Variants in CLCN1 observed in about 807,000 individuals in gnomAD.
The protein encoded by CLCN1 is chloride voltage-gated channel 1.
CLCN1 carries 100 observed loss-of-function variants against 114.5 expected under a neutral mutation model. That is an observed-to-expected ratio of 0.87 (90% CI 0.74 to 1.03). The LOEUF (loss-of-function observed/expected upper bound fraction) is 1.03. CLCN1 is among the 50% of genes least tolerant of loss of function. The pLI is 0.00. For synonymous variants in CLCN1, 485 were observed against 487.1 expected (o/e 1.00, Z 0.06); for missense variants, 1,188 against 1,250.0 (o/e 0.95, Z 0.75).
intron 5 of CLCN1, among the ~76,000 whole-genome samples, chr7:143,322,572 G>A (rs1252015679): frequency 6.6e-6 from 1 of 152,216 alleles, no homozygotes; most frequent in Non-Finnish European, 1.5e-5. Flanking sequence ...GCCCAAGCTG[G>A]AGTGCAGTGG....
chr7:143,317,352 A>G (rs1802315996), intron 1 of CLCN1, among the ~76,000 whole-genome samples: 1 of 148,982 alleles, frequency 6.7e-6, no homozygotes, highest in South Asian at 2.1e-4. Context: ...GGGTTCAAGC[A>G]ATTCTCTTTC....
chr7:143,329,884 ATT>A (rs1046809578), intron 7 of CLCN1, among the ~76,000 whole-genome samples: 4 of 151,856 alleles, frequency 2.6e-5, no homozygotes, highest in Non-Finnish European at 5.9e-5. Context: ...ATGTTGAAAT[ATT>A]TTTTTCTTTG....
chr7:143,346,546 T>A (rs1340413214), intron 18 of CLCN1, 33 bp from the exon 19 acceptor site: 1 of 1,547,284 alleles, frequency 6.5e-7, no homozygotes, highest in African/African-American at 1.4e-5. Context: ...TGTTGCTTTG[T>A]GTCCATTTCC....
intron 1 of CLCN1, among the ~76,000 whole-genome samples, chr7:143,318,471 T>A (rs1802346414): frequency 6.6e-6 from 1 of 152,166 alleles, no homozygotes; most frequent in African/African-American, 2.4e-5. Context: ...AACCTGCCCA[T>A]CTCAGGCTCC....
At position 143,316,345 on chromosome 7, in the gene CLCN1, A is replaced by G. The variant is rs371715660; in HGVS notation, c.133A>G (p.Arg45Gly). 1.4e-5 allele frequency: 23 copies of G among 1,611,810 alleles called. No individual in the cohort carries two copies. In the African/African-American group the frequency reaches 2.5e-4, roughly 18 times the overall value. ...CTCTGAGAATGGGGGCCTCCAGCAC[A>G]GGCTCCGGAAGGATGCAGGCCCCCG... The part of the protein sequence containing the change: ...LPSENGGLQH[R>G]LRKDAGPRHN... Residue 45 changes from arginine (R) to glycine (G), a missense_variant, in exon 1 of 23, where the codon AGG (arginine) becomes GGG (glycine). Arg to Gly is a moderately radical substitution (Grantham distance 125, BLOSUM62 -2). Coordinates refer to ENST00000343257, the MANE Select transcript of CLCN1 (RefSeq NM_000083.3).
intron 10 of CLCN1, 83 bp downstream of exon 10, chr7:143,331,735 C>A: frequency 1.1e-6 from 1 of 931,712 alleles, no homozygotes; most frequent in Non-Finnish European, 1.8e-6. Flanking sequence ...TTGGGGAAGG[C>A]ATTAAATGCC....
chr7:143,320,885 A>T, intron 3 of CLCN1, 90 bp downstream of exon 3: 1 of 1,487,956 alleles, frequency 6.7e-7, no homozygotes, highest in Non-Finnish European at 9.4e-7. Context: ...AATGTTAAGC[A>T]GGGTGTGTTA....
chr7:143,322,155 C>CCT (rs1382965007), intron 5 of CLCN1, among the ~76,000 whole-genome samples: 2 of 152,346 alleles, frequency 1.3e-5, no homozygotes, highest in Admixed American at 6.5e-5. Flanking sequence ...GCATTGCTGG[C>CCT]CTCTGACCCT....
chr7:143,341,888 C>T lies in CLCN1; in HGVS notation c.1583-41C>T, dbSNP rs112405723. ...CCCCATATGTCCTTCATGCTAAGAACGGTAGCCCTAACCTACAGGCGTATT... is the reference window on the plus strand; with the variant it reads ...CCCCATATGTCCTTCATGCTAAGAATGGTAGCCCTAACCTACAGGCGTATT... On this transcript the variant is annotated intron_variant, in intron 14 of 22. Transcript: ENST00000343257. 9.1e-5 allele frequency: 138 copies of T among 1,520,902 alleles called. 2 individuals are homozygous for T. In the African/African-American group the frequency reaches 9.2e-4, roughly 10 times the overall value. The allele number at this position is 1,520,902 out of a possible 1,614,324, so 94.2% of individuals were successfully genotyped here.
rs184823884 is a variant in CLCN1 at position 143,343,722 on chromosome 7, T to A, written c.1930+1217T>A. On this transcript the variant is annotated intron_variant, in intron 16 of 22. Coordinates refer to ENST00000343257, the MANE Select transcript of CLCN1 (RefSeq NM_000083.3). The stretch of plus-strand genomic sequence containing the variant: ...TCTTCCTTCCTTTCTTTCTCTTTCT[T>A]TCTTTCCTTCTTTTTCTTTCTTTCT... Among the ~76,000 whole-genome samples, 256 of 147,700 alleles carry A rather than the reference T, an allele frequency of 1.7e-3. 1 individual carries two copies. Among genetic ancestry groups the A allele is most frequent in the African/African-American group, 6.2e-3 (244 of 39,434 alleles).
rs1250710576 is a variant in CLCN1 at position 143,351,694 on chromosome 7, C to T, written c.2696C>T (p.Ala899Val). ...NTTSTRKSTG[A>V]PPSSAENWNL... The stretch of plus-strand genomic sequence containing the variant: ...ACTTCAACTCGAAAGAGTACCGGGG[C>T]ACCTCCATCTTCTGCAGAGAACTGG... Residue 899 changes from alanine to valine, a missense_variant, in exon 23 of 23, where the codon GCA (alanine) becomes GTA (valine). Ala to Val is a moderately conservative substitution (Grantham distance 64). Coordinates refer to ENST00000343257, the MANE Select transcript of CLCN1 (RefSeq NM_000083.3). The T allele has an allele frequency of 1.2e-6, 2 of 1,614,206 alleles. No individual in the cohort carries two copies. The highest frequency in any genetic ancestry group is 1.7e-6 in the Non-Finnish European group (2 of 1,180,032).
chr7:143,323,824 G>A, intron 6 of CLCN1: 1 of 474,646 alleles, frequency 2.1e-6, no homozygotes, highest in South Asian at 1.5e-5. Context: ...TGCAGACCGT[G>A]CCTGGGCAGC....
intron 12 of CLCN1, among the ~76,000 whole-genome samples, chr7:143,337,137 T>C (rs541564317): frequency 6.6e-6 from 1 of 152,344 alleles, no homozygotes; most frequent in East Asian, 1.9e-4. Flanking sequence ...AGCATTACTC[T>C]TTAGTGTTTT....
chr7:143,328,551 T>C (rs993488129), intron 7 of CLCN1, among the ~76,000 whole-genome samples: 6 of 152,312 alleles, frequency 3.9e-5, no homozygotes, highest in Middle Eastern at 3.4e-3. Context: ...AACCACGTCG[T>C]AGGAAAGAAA....
In CLCN1 at chr7:143,346,559, C is replaced by T. The variant is rs993813533; in HGVS notation, c.2285-20C>T. On this transcript the variant is annotated intron_variant, in intron 18 of 22. Transcript: ENST00000343257. ...CCTGTTGCTTTGTGTCCATTTCCAT[C>T]CACTCACCTGTCCTCTCAGGTCAAA... The T allele has an allele frequency of 3.2e-6, 5 of 1,578,318 alleles. No homozygotes were observed. In the South Asian group the frequency reaches 3.3e-5, roughly 10 times the overall value.
At chr7:143,320,928 G>A in intron 3 of CLCN1, 133 bp downstream of exon 3, 2 of 1,100,672 alleles carry the variant, frequency 1.8e-6, no homozygotes, top group Non-Finnish European at 1.4e-6. Flanking sequence ...GAGGGATCAG[G>A]TGGGACTCCA....
rs889809830 is a variant in CLCN1 at position 143,346,724 on chromosome 7, C to T, written c.2364+66C>T. ...CTGCCCTTGAAGAGTGAGAAACCCACGGTTCTTAAATCAGGAAGGCAGAGA... is the reference window on the plus strand; with the variant it reads ...CTGCCCTTGAAGAGTGAGAAACCCATGGTTCTTAAATCAGGAAGGCAGAGA... On this transcript the variant is annotated intron_variant, in intron 19 of 22. Coordinates refer to ENST00000343257, the MANE Select transcript of CLCN1 (RefSeq NM_000083.3). 5.0e-6 allele frequency: 7 copies of T among 1,396,746 alleles called. No homozygotes were observed. In the Admixed American group the frequency reaches 6.7e-5, roughly 13 times the overall value. The allele number at this position is 1,396,746 out of a possible 1,614,324, so 86.5% of individuals were successfully genotyped here. A position where few individuals can be genotyped will look rare whatever the true frequency, so the allele number is the denominator to read the frequency against.
At chr7:143,348,662 A>G (rs1217439791) in intron 20 of CLCN1, among the ~76,000 whole-genome samples, 1 of 152,210 alleles carries the variant, frequency 6.6e-6, no homozygotes, top group Non-Finnish European at 1.5e-5. Context: ...CCAAAAAAAC[A>G]GTATGGGGGC....
chr7:143,318,646 C>G (rs77661211), intron 1 of CLCN1, among the ~76,000 whole-genome samples: 1 of 152,180 alleles, frequency 6.6e-6, no homozygotes, highest in Non-Finnish European at 1.5e-5. Flanking sequence ...AGATCTGGCC[C>G]TTTAAGTGTT....
Sources: allele counts gnomAD v4.1 joint callset (sites outside exome capture counted in the v4.1 genomes callset), GRCh38; gene constraint gnomAD v4.1.1; transcripts MANE v1.5; gene names NCBI Gene and HGNC (gene_info 2026-07-23, HGNC 2026-07-21).